The following CCNI variants were observed in gnomAD, a reference collection of about 807,000 sequenced individuals.
The protein encoded by CCNI is cyclin I.
In CCNI, 14 loss-of-function variants were observed where a neutral mutation model predicts 34.1. The observed-to-expected ratio is 0.41, with a 90% confidence interval of 0.27 to 0.64. The LOEUF (loss-of-function observed/expected upper bound fraction) is 0.64. Among genes scored for constraint, CCNI ranks in the 30% least tolerant of loss-of-function variants. CCNI has a pLI of 0.31. For synonymous variants in CCNI, 154 were observed against 158.4 expected (o/e 0.97, Z 0.21); for missense variants, 385 against 440.5 (o/e 0.87, Z 1.13).
At chr4:77,070,928 G>A (rs985774867) in intron 1 of CCNI, among the ~76,000 whole-genome samples, 1 of 152,188 alleles carries the variant, frequency 6.6e-6, no homozygotes, top group African/African-American at 2.4e-5. Flanking sequence ...GTCAAGATTA[G>A]ACTTCATAGG....
chr4:77,057,040 A>C (rs1728291280), intron 3 of CCNI, among the ~76,000 whole-genome samples: 1 of 152,212 alleles, frequency 6.6e-6, no homozygotes, highest in Non-Finnish European at 1.5e-5. Context: ...GTTTTTAATA[A>C]ATAATATTCC....
At chr4:77,065,474 A>AAC (rs568173271) in intron 2 of CCNI, among the ~76,000 whole-genome samples, 7 of 152,384 alleles carry the variant, frequency 4.6e-5, no homozygotes, top group Admixed American at 4.6e-4. Context: ...CTATGCAGCT[A>AAC]ACAGTAGTTA....
chr4:77,049,797 T>A (rs925664894), intron 6 of CCNI, among the ~76,000 whole-genome samples: 5 of 152,224 alleles, frequency 3.3e-5, no homozygotes, highest in Non-Finnish European at 7.3e-5. Context: ...AGGTGTGGCA[T>A]TGTATTATAT....
chr4:77,049,164 T>C (rs2110004491), intron 6 of CCNI, among the ~76,000 whole-genome samples: 1 of 152,168 alleles, frequency 6.6e-6, no homozygotes, highest in African/African-American at 2.4e-5. Context: ...AATTTTAAAA[T>C]AGTAAATGAA....
At position 77,067,246 on chromosome 4, in the gene CCNI, CA is replaced by C. The variant is rs112476238; in HGVS notation, c.-43-842del. On this transcript the variant is annotated intron_variant, in intron 1 of 6. Coordinates refer to ENST00000237654, the MANE Select transcript of CCNI (RefSeq NM_006835.3). The stretch of plus-strand genomic sequence containing the variant: ...CACTCCGTCTCAAAAACAAACAAAC[CA>C]AAAAAAAAAAATGTATTTCTTCAGT... Among the ~76,000 whole-genome samples, 192 of 141,264 alleles carry C rather than the reference CA, an allele frequency of 1.4e-3. 1 individual carries two copies. Among genetic ancestry groups the C allele is most frequent in the Admixed American group, 2.8e-3 (40 of 14,068 alleles). The allele number at this position is 141,264 out of a possible 152,430, so 92.7% of individuals were successfully genotyped here.
intron 6 of CCNI, among the ~76,000 whole-genome samples, chr4:77,051,953 T>A (rs941789574): frequency 3.6e-4 from 53 of 145,618 alleles, no homozygotes; most frequent in Admixed American, 3.6e-3. Flanking sequence ...TCTGTTTTTT[T>A]GTTTTTTTTT....
chr4:77,057,375 A>G (rs891973255), intron 3 of CCNI, among the ~76,000 whole-genome samples: 3 of 152,198 alleles, frequency 2.0e-5, no homozygotes, highest in African/African-American at 7.2e-5. Context: ...ATTTTGCCAA[A>G]TATCTCATTT....
chr4:77,048,147 T>C lies in CCNI; in HGVS notation c.*72A>G, dbSNP rs1382465692. The C allele has an allele frequency of 3.4e-6, 4 of 1,172,524 alleles. No homozygotes were observed. The highest frequency in any genetic ancestry group is 4.9e-6 in the Non-Finnish European group (4 of 815,746). The allele number at this position is 1,172,524 out of a possible 1,614,324, so 72.6% of individuals were successfully genotyped here. ...AAGGTATATTTCCTTCTACAGCCTTTCCTGATTTTGCATGTTCTCATTCCC... is the reference window on the plus strand; with the variant it reads ...AAGGTATATTTCCTTCTACAGCCTTCCCTGATTTTGCATGTTCTCATTCCC... On this transcript the variant is annotated 3_prime_UTR_variant, in exon 7 of 7. Coordinates refer to ENST00000237654, the MANE Select transcript of CCNI (RefSeq NM_006835.3).
chr4:77,061,884 T>TA (rs1728631314), intron 2 of CCNI, among the ~76,000 whole-genome samples: 1 of 152,078 alleles, frequency 6.6e-6, no homozygotes, highest in Non-Finnish European at 1.5e-5. Context: ...TTAGCCAGGA[T>TA]AGTCTCGATC....
intron 2 of CCNI, among the ~76,000 whole-genome samples, chr4:77,062,147 T>C (rs1240489595): frequency 6.6e-6 from 1 of 152,240 alleles, no homozygotes; most frequent in African/African-American, 2.4e-5. Flanking sequence ...TGCCTTATTA[T>C]GTATCTCTTG....
chr4:77,064,493 G>A (rs1160023614), intron 2 of CCNI, among the ~76,000 whole-genome samples: 1 of 151,838 alleles, frequency 6.6e-6, no homozygotes, highest in African/African-American at 2.4e-5. Context: ...CCAATACCTA[G>A]AATAGTGCCT....
rs371418444 is a variant in CCNI at position 77,056,138 on chromosome 4, A to G, written c.319-36T>C. ...CAAAGGGGAACAGGGACAGGGAGAA[A>G]AGGACAGAAAAGAAACTCATTTATG... On this transcript the variant is annotated intron_variant, in intron 4 of 6. Transcript: ENST00000237654. 5.0e-6 allele frequency: 8 copies of G among 1,606,580 alleles called. No individual in the cohort carries two copies. The African/African-American group carries it at 6.7e-5, about 13-fold the overall frequency.
intron 6 of CCNI, among the ~76,000 whole-genome samples, chr4:77,049,379 C>T (rs1242915902): frequency 6.6e-6 from 1 of 152,094 alleles, no homozygotes; most frequent in Non-Finnish European, 1.5e-5. Flanking sequence ...TCTATATCAA[C>T]CTTTTAACAT....
intron 1 of CCNI, among the ~76,000 whole-genome samples, chr4:77,068,392 T>C (rs1201112798): frequency 1.3e-5 from 2 of 152,228 alleles, no homozygotes; most frequent in Non-Finnish European, 2.9e-5. Context: ...CTATGGATAT[T>C]GGAAGAGGGT....
chr4:77,062,117 G>A (rs150739566), intron 2 of CCNI, among the ~76,000 whole-genome samples: 31 of 114,812 alleles, frequency 2.7e-4, no homozygotes, highest in African/African-American at 1.1e-3. Flanking sequence ...TGACTGGAAC[G>A]CACTCCCTTC....
intron 1 of CCNI, among the ~76,000 whole-genome samples, chr4:77,067,988 A>T (rs1729180377): frequency 6.6e-6 from 1 of 151,806 alleles, no homozygotes; most frequent in African/African-American, 2.4e-5. Context: ...CCAGCCTGAC[A>T]AAACATGGTG....
chr4:77,047,605 A>G lies in CCNI; in HGVS notation c.*614T>C, dbSNP rs571017277. 5.2e-5 allele frequency: 8 copies of G among 152,386 alleles called. No individual in the cohort carries two copies. The highest frequency in any genetic ancestry group is 1.7e-4 in the African/African-American group (7 of 41,592). 9.4% of individuals were successfully genotyped at this position (152,386 alleles called of 1,614,324 possible). On this transcript the variant is annotated 3_prime_UTR_variant, in exon 7 of 7. Coordinates refer to ENST00000237654, the MANE Select transcript of CCNI (RefSeq NM_006835.3). The stretch of plus-strand genomic sequence containing the variant: ...TTTAAGGTAAACAAAAATGAAAACC[A>G]TAATTTTAAATTAAAATTTGAAATG...
In CCNI at chr4:77,075,616, G is replaced by A; in HGVS notation, c.-188C>T. The A allele has an allele frequency of 2.0e-6, 2 of 975,872 alleles. No individual in the cohort carries two copies. Among genetic ancestry groups the A allele is most frequent in the Non-Finnish European group, 2.4e-6 (2 of 819,506 alleles). 60.5% of individuals were successfully genotyped at this position (975,872 alleles called of 1,614,324 possible). On this transcript the variant is annotated 5_prime_UTR_variant, in exon 1 of 7. Transcript: ENST00000237654. ...CGCGCGGGACGACTCGGCCAACTGAGGAGGGAGAAAGGGGAAGCGGATCGG... is the reference window on the plus strand; with the variant it reads ...CGCGCGGGACGACTCGGCCAACTGAAGAGGGAGAAAGGGGAAGCGGATCGG...
chr4:77,070,428 T>C (rs1343510307), intron 1 of CCNI, among the ~76,000 whole-genome samples: 1 of 151,430 alleles, frequency 6.6e-6, no homozygotes, highest in East Asian at 1.9e-4. Flanking sequence ...AAGCCAGTTC[T>C]ACCCCTACCT....
Sources: allele counts gnomAD v4.1 joint callset (sites outside exome capture counted in the v4.1 genomes callset), GRCh38; gene constraint gnomAD v4.1.1; transcripts MANE v1.5; gene names NCBI Gene and HGNC (gene_info 2026-07-23, HGNC 2026-07-21).